DLG2: variants seen among roughly 807,000 people sequenced by gnomAD.
DLG2 encodes disks large homolog 2.
In DLG2, 45 loss-of-function variants were observed where a neutral mutation model predicts 132.5. That is an observed-to-expected ratio of 0.34 (90% CI 0.27 to 0.44). The LOEUF (loss-of-function observed/expected upper bound fraction) is 0.44. Ranked by LOEUF, DLG2 falls within the 20% of genes least tolerant of loss-of-function variation. The probability of loss-of-function intolerance (pLI) is 1.00; values close to 1 mark genes in which losing one functional copy is unlikely to be tolerated. For missense variants in DLG2, 1,045 were observed against 1,196.9 expected, an observed-to-expected ratio of 0.87 and a Z score of 1.87; for synonymous variants, 424 against 419.6, an observed-to-expected ratio of 1.01 and a Z score of -0.13.
chr11:84,304,677 T>C (rs2098195800), intron 7 of DLG2, among the ~76,000 whole-genome samples: 1 of 152,224 alleles, frequency 6.6e-6, no homozygotes, highest in African/African-American at 2.4e-5. Context: ...AATTTATTTA[T>C]AGATAGCATA....
chr11:84,420,994 C>T (rs1273632863), intron 7 of DLG2, among the ~76,000 whole-genome samples: 1 of 152,084 alleles, frequency 6.6e-6, no homozygotes, highest in Non-Finnish European at 1.5e-5. Context: ...GTTACTCATC[C>T]GTAGAAACCT....
chr11:84,909,674 T>A (rs772325104), intron 6 of DLG2, among the ~76,000 whole-genome samples: 1 of 152,184 alleles, frequency 6.6e-6, no homozygotes, highest in East Asian at 1.9e-4. Context: ...TGTCTATCTA[T>A]CCGAATAGGC....
intron 9 of DLG2, among the ~76,000 whole-genome samples, chr11:84,161,978 T>C (rs1414512935): frequency 6.6e-6 from 1 of 152,210 alleles, no homozygotes; most frequent in African/African-American, 2.4e-5. Context: ...AGTTTCAACG[T>C]ATATTTTGGT....
In DLG2 at chr11:83,541,611, C is replaced by T. The variant is rs74508284; in HGVS notation, c.2117+71G>A. 3,882 of 1,317,918 alleles carry T rather than the reference C, an allele frequency of 2.9e-3. 97 individuals are homozygous for T. The African/African-American group carries it at 0.053, about 18-fold the overall frequency. The allele number at this position is 1,317,918 out of a possible 1,614,324, so 81.6% of individuals were successfully genotyped here. On this transcript the variant is annotated intron_variant, in intron 20 of 27. Coordinates refer to ENST00000376104, the MANE Select transcript of DLG2 (RefSeq NM_001142699.3). ...TAATTTTGTGAACAGTTTCTCCCAC[C>T]TTCTTCTTCCCTCATCTCCACTCGC...
rs11828752 is a variant in DLG2, at chr11:85,113,451, C to A, written c.283-1716G>T. ...GATGGAAATGTGTGTTTCTGTTTTG[C>A]CTTCTATTATTACCTGATTTCTGAC... On this transcript the variant is annotated intron_variant, in intron 5 of 27. Transcript: ENST00000376104. Among the ~76,000 whole-genome samples the A allele has an allele frequency of 9.7e-3, 1,476 of 151,966 alleles. 21 individuals are homozygous for A. Among genetic ancestry groups the A allele is most frequent in the African/African-American group, 0.032 (1,339 of 41,476 alleles).
rs368343619 is a variant in DLG2 at position 85,542,118 on chromosome 11, C to A, written c.40+56539G>T. ...GCCCACAGAGAAAGAGAAATGAATTCTTTACAAAGCAGTAGCACTTTTTGT... is the reference window on the plus strand; with the variant it reads ...GCCCACAGAGAAAGAGAAATGAATTATTTACAAAGCAGTAGCACTTTTTGT... On this transcript the variant is annotated intron_variant, in intron 3 of 27. Coordinates refer to ENST00000376104, the MANE Select transcript of DLG2 (RefSeq NM_001142699.3). 1.4e-3 allele frequency among the ~76,000 whole-genome samples: 206 copies of A among 152,272 alleles called. 1 individual carries two copies. Among genetic ancestry groups the A allele is most frequent in the African/African-American group, 4.8e-3 (201 of 41,550 alleles).
At chr11:84,391,533 G>C (rs918103799) in intron 7 of DLG2, among the ~76,000 whole-genome samples, 1 of 151,894 alleles carries the variant, frequency 6.6e-6, no homozygotes, top group African/African-American at 2.4e-5. Context: ...TCAAACAATC[G>C]ATATTTTACC....
chr11:85,315,555 A>C (rs1010845638), intron 3 of DLG2, among the ~76,000 whole-genome samples: 1 of 151,982 alleles, frequency 6.6e-6, no homozygotes, highest in South Asian at 2.1e-4. Context: ...CTGTGCATGC[A>C]TCACACTGAT....
chr11:83,879,204 G>A (rs1238466699), intron 15 of DLG2, among the ~76,000 whole-genome samples: 1 of 152,196 alleles, frequency 6.6e-6, no homozygotes. Context: ...CTGAGGCAAT[G>A]AGAGGCAGGA....
intron 10 of DLG2, 121 bp downstream of exon 10, chr11:84,098,802 C>A: frequency 1.7e-6 from 2 of 1,149,840 alleles, no homozygotes; most frequent in Non-Finnish European, 2.4e-6. Context: ...AGGAAGCTTG[C>A]CTTAAAAATC....
chr11:83,549,761 G>T (rs927402343), intron 19 of DLG2, among the ~76,000 whole-genome samples: 5 of 152,100 alleles, frequency 3.3e-5, no homozygotes, highest in African/African-American at 1.2e-4. Flanking sequence ...TGCATTTAGT[G>T]CATATTTGTC....
chr11:84,504,809 T>A (rs1253466696), intron 7 of DLG2, among the ~76,000 whole-genome samples: 1 of 119,374 alleles, frequency 8.4e-6, no homozygotes, highest in Non-Finnish European at 1.7e-5. Context: ...GTTGACTCCA[T>A]GTTTTAGCAG....
chr11:85,435,617 C>A (rs567625379), intron 3 of DLG2, among the ~76,000 whole-genome samples: 9 of 152,066 alleles, frequency 5.9e-5, no homozygotes, highest in East Asian at 1.9e-4. Context: ...GGGTGAAGAA[C>A]CTCTTCAAGG....
chr11:84,762,400 T>C (rs2000817), intron 6 of DLG2, among the ~76,000 whole-genome samples: 41,755 of 152,140 alleles, frequency 0.27, 6,315 homozygotes, highest in Middle Eastern at 0.32. Context: ...CTGTGTACAG[T>C]AGTTGTTGAC....
intron 18 of DLG2, among the ~76,000 whole-genome samples, chr11:83,761,938 G>A (rs1014365163): frequency 6.6e-5 from 10 of 152,084 alleles, no homozygotes; most frequent in African/African-American, 2.4e-4. Flanking sequence ...GAATCTCCCA[G>A]GGAGTTATTG....
intron 8 of DLG2, among the ~76,000 whole-genome samples, chr11:84,197,036 CAAAAAAAAAA>C (rs60877284): frequency 2.3e-5 from 2 of 87,936 alleles, no homozygotes; most frequent in Admixed American, 1.5e-4. Flanking sequence ...GACTCTTTCT[CAAAAAAAAAA>C]AAAAAAAAAA....
intron 6 of DLG2, among the ~76,000 whole-genome samples, chr11:85,018,469 A>T (rs1220118605): frequency 1.3e-5 from 2 of 152,224 alleles, no homozygotes; most frequent in Non-Finnish European, 2.9e-5. Flanking sequence ...AGCTAATGGA[A>T]AGATACATAT....
chr11:85,207,331 G>C (rs573567754), intron 4 of DLG2, among the ~76,000 whole-genome samples: 1 of 152,210 alleles, frequency 6.6e-6, no homozygotes, highest in South Asian at 2.1e-4. Flanking sequence ...CTACCTTCCA[G>C]GTATTTGCCA....
At chr11:84,228,768 T>C (rs2097047181) in intron 8 of DLG2, among the ~76,000 whole-genome samples, 1 of 152,226 alleles carries the variant, frequency 6.6e-6, no homozygotes, top group African/African-American at 2.4e-5. Flanking sequence ...CTTATGCTAA[T>C]TTCAGCCCAA....
Sources: gnomAD v4.1 joint callset for allele counts (sites outside exome capture counted in the v4.1 genomes callset) on GRCh38, gnomAD v4.1.1 for gene constraint, MANE v1.5 for transcripts, NCBI Gene and HGNC (gene_info 2026-07-23, HGNC 2026-07-21) for gene names.